TRIM59: variants seen among roughly 807,000 people sequenced by gnomAD.
TRIM59 encodes the protein tripartite motif containing 59.
TRIM59 carries 14 observed loss-of-function variants against 32.2 expected under a neutral mutation model. The observed-to-expected ratio is 0.43, with a 90% CI of 0.29 to 0.68. The LOEUF is 0.68. Among genes scored for constraint, TRIM59 ranks in the 30% least tolerant of loss-of-function variants. The probability of loss-of-function intolerance (pLI) is 0.15; values close to 1 mark genes in which losing one functional copy is unlikely to be tolerated. For synonymous variants in TRIM59, 163 were observed against 155.1 expected (o/e 1.05, Z -0.38); for missense variants, 471 against 463.3 (o/e 1.02, Z -0.15).
chr3:160,435,676 A>C lies in TRIM59; in HGVS notation c.*2296T>G, dbSNP rs1244828414. Reference sequence around the variant, plus strand: ...AACTATATTCATGCATACTTAACAAAATGAAAAGTTCTCCTAAAAACTGGC... The same window carrying C: ...AACTATATTCATGCATACTTAACAACATGAAAAGTTCTCCTAAAAACTGGC... On this transcript the variant is annotated 3_prime_UTR_variant, in exon 3 of 3. Coordinates refer to ENST00000309784, the MANE Select transcript of TRIM59 (RefSeq NM_173084.3). The C allele has an allele frequency of 3.9e-6, 1 of 253,250 alleles. No individual in the cohort carries two copies. The highest frequency in any genetic ancestry group is 5.3e-5 in the Admixed American group (1 of 19,010). The allele number at this position is 253,250 out of a possible 1,614,324, so 15.7% of individuals were successfully genotyped here.
rs966115876 is a variant in TRIM59 at position 160,437,126 on chromosome 3, C to T, written c.*846G>A. On this transcript the variant is annotated 3_prime_UTR_variant, in exon 3 of 3. Coordinates refer to ENST00000309784, the MANE Select transcript of TRIM59 (RefSeq NM_173084.3). The stretch of plus-strand genomic sequence containing the variant: ...CAGCACTTTGGGAGGCCAAGGTGGG[C>T]AGATCTCTTGAGCCCAGAAGTTTGA... The T allele has an allele frequency of 2.2e-6, 2 of 928,914 alleles. No homozygotes were observed. The highest frequency in any genetic ancestry group is 2.6e-6 in the Non-Finnish European group (2 of 778,588). The allele number at this position is 928,914 out of a possible 1,614,324, so 57.5% of individuals were successfully genotyped here. A position where few individuals can be genotyped will look rare whatever the true frequency, so the allele number is the denominator to read the frequency against.
intron 2 of TRIM59, among the ~76,000 whole-genome samples, chr3:160,445,623 A>G (rs1199076974): frequency 6.6e-6 from 1 of 150,714 alleles, no homozygotes; most frequent in East Asian, 2.0e-4. Flanking sequence ...AAAATACAAA[A>G]ATTAGCTGGG....
chr3:160,440,095 T>C (rs1350987307), intron 2 of TRIM59, among the ~76,000 whole-genome samples: 1 of 152,176 alleles, frequency 6.6e-6, no homozygotes, highest in Admixed American at 6.5e-5. Context: ...CTACCATAAA[T>C]TTTTTAGCTT....
rs201210119 is a variant in TRIM59, at chr3:160,438,973, C to T, written c.211G>A (p.Glu71Lys). The T allele has an allele frequency of 6.5e-5, 105 of 1,613,914 alleles. No individual in the cohort carries two copies. Among genetic ancestry groups the T allele is most frequent in the Non-Finnish European group, 8.2e-5 (97 of 1,179,984 alleles). ...AGTGCAAAATTAACAGGTAAAGATT[C>T]AATGCCAGTTGGAGCAATTTCAGTA... is the stretch of plus-strand genomic sequence containing the variant. ...SITEIAPTGI[E>K]SLPVNFALRA... Residue 71 changes from glutamate (E) to lysine (K), a missense_variant, in exon 3 of 3, where the codon GAA becomes AAA. Physicochemically the swap from Glu to Lys is moderately conservative, Grantham distance 56. Coordinates refer to ENST00000309784, the MANE Select transcript of TRIM59 (RefSeq NM_173084.3).
At chr3:160,439,750 C>T (rs972807462) in intron 2 of TRIM59, among the ~76,000 whole-genome samples, 4 of 152,190 alleles carry the variant, frequency 2.6e-5, no homozygotes, top group Non-Finnish European at 5.9e-5. Context: ...AACTGTGAGT[C>T]CATTAAACCT....
In TRIM59 at chr3:160,437,710, T is replaced by C. The variant is rs1030887452; in HGVS notation, c.*262A>G. ...GAATGTTTAAATGTCACAGCAACAT[T>C]ATGTCAACCATCATAAAGCCAATAA... is the stretch of plus-strand genomic sequence containing the variant. On this transcript the variant is annotated 3_prime_UTR_variant, in exon 3 of 3. Coordinates refer to ENST00000309784, the MANE Select transcript of TRIM59 (RefSeq NM_173084.3). 6.3e-6 allele frequency: 7 copies of C among 1,108,170 alleles called. No homozygotes were observed. In the African/African-American group the frequency reaches 9.8e-5, roughly 15 times the overall value. 68.6% of individuals were successfully genotyped at this position (1,108,170 alleles called of 1,614,324 possible).
chr3:160,436,489 G>A lies in TRIM59; in HGVS notation c.*1483C>T, dbSNP rs1339507788. 4 of 985,664 alleles carry A rather than the reference G, an allele frequency of 4.1e-6. No homozygotes were observed. Among genetic ancestry groups the A allele is most frequent in the Non-Finnish European group, 3.6e-6 (3 of 829,952 alleles). 61.1% of individuals were successfully genotyped at this position (985,664 alleles called of 1,614,324 possible). A position where few individuals can be genotyped will look rare whatever the true frequency, so the allele number is the denominator to read the frequency against. The stretch of plus-strand genomic sequence containing the variant: ...GCTTTGATTTAATTGGCCCTCTTAA[G>A]CAAAGCTAATAAAAGATTAAGTTGT... On this transcript the variant is annotated 3_prime_UTR_variant, in exon 3 of 3. Transcript: ENST00000309784.
In TRIM59 at chr3:160,437,259, C is replaced by T. The variant is rs4679886; in HGVS notation, c.*713G>A. 147,593 of 613,036 alleles carry T rather than the reference C, an allele frequency of 0.24. 18,717 individuals are homozygous for T. The highest frequency in any genetic ancestry group is 0.26 in the Non-Finnish European group (125,532 of 490,250). The allele number at this position is 613,036 out of a possible 1,614,324, so 38.0% of individuals were successfully genotyped here. A position where few individuals can be genotyped will look rare whatever the true frequency, so the allele number is the denominator to read the frequency against. On this transcript the variant is annotated 3_prime_UTR_variant, in exon 3 of 3. Transcript: ENST00000309784. ...GTCCCAGCTGCTCCAGAGGCAGAGG[C>T]GGGAGGATCGATTGAGCCTGGGTGG...
Position 160,438,306 on chromosome 3 carries a change from T to C in TRIM59, c.878A>G (p.Glu293Gly). The C allele has an allele frequency of 6.2e-7, 1 of 1,613,504 alleles. No individual in the cohort carries two copies. The highest frequency in any genetic ancestry group is 1.1e-5 in the South Asian group (1 of 90,860). ...KILKEEWSRT[E>G]IGQIKNVLIP... ...GAGAACGTTCTTAATTTGTCCAATT[T>C]CTGTTCTGCTCCATTCTTCTTTCAA... The change falls in exon 3 of 3, where the codon GAA (glutamate) becomes GGA (glycine). Residue 293 changes from glutamate to glycine, a missense_variant. Coordinates refer to ENST00000309784, the MANE Select transcript of TRIM59 (RefSeq NM_173084.3).
chr3:160,449,628 A>C lies in TRIM59; in HGVS notation c.-74+89T>G, dbSNP rs1187085737. The C allele has an allele frequency of 1.4e-5, 18 of 1,289,566 alleles. No individual in the cohort carries two copies. The Admixed American group carries it at 3.2e-4, about 23-fold the overall frequency. 79.9% of individuals were successfully genotyped at this position (1,289,566 alleles called of 1,614,324 possible). On this transcript the variant is annotated intron_variant, in intron 1 of 2. Transcript: ENST00000309784. Reference sequence around the variant, plus strand: ...GTCGCGCCCCCAGGACTCCCCGCCCAACACACTAGGCACACCAGACTGTGC... The same window carrying C: ...GTCGCGCCCCCAGGACTCCCCGCCCCACACACTAGGCACACCAGACTGTGC...
chr3:160,437,218 TGGG>T lies in TRIM59; in HGVS notation c.*751_*753del, dbSNP rs954016614. The T allele has an allele frequency of 4.1e-5, 22 of 537,576 alleles. No homozygotes were observed. Among genetic ancestry groups the T allele is most frequent in the Non-Finnish European group, 5.2e-5 (22 of 421,366 alleles). The allele number at this position is 537,576 out of a possible 1,614,324, so 33.3% of individuals were successfully genotyped here. ...AACAATTTTTTTAATTAGCCAGGCATGGGGGTGTGTGCCTTGTCCCAGCTGCTC... is the reference window on the plus strand; with the variant it reads ...AACAATTTTTTTAATTAGCCAGGCATGGTGTGTGCCTTGTCCCAGCTGCTC... On this transcript the variant is annotated 3_prime_UTR_variant, in exon 3 of 3. Coordinates refer to ENST00000309784, the MANE Select transcript of TRIM59 (RefSeq NM_173084.3).
chr3:160,449,670 G>T, intron 1 of TRIM59, 47 bp downstream of exon 1: 1 of 1,289,958 alleles, frequency 7.8e-7, no homozygotes, highest in South Asian at 1.2e-5. Flanking sequence ...AAAAGAAAAA[G>T]GACTCAGAAC....
In TRIM59 at chr3:160,437,589, G is replaced by C. The variant is rs1050479115; in HGVS notation, c.*383C>G. 1 of 987,894 alleles carries C rather than the reference G, an allele frequency of 1.0e-6. No individual in the cohort carries two copies. The highest frequency in any genetic ancestry group is 1.2e-6 in the Non-Finnish European group (1 of 831,754). The allele number at this position is 987,894 out of a possible 1,614,324, so 61.2% of individuals were successfully genotyped here. A position where few individuals can be genotyped will look rare whatever the true frequency, so the allele number is the denominator to read the frequency against. Reference sequence around the variant, plus strand: ...AAGCTTCAAGCCACATCAAAATAAAGGTATATGTTCTTTCAGGATTTTGCT... The same window carrying C: ...AAGCTTCAAGCCACATCAAAATAAACGTATATGTTCTTTCAGGATTTTGCT... On this transcript the variant is annotated 3_prime_UTR_variant, in exon 3 of 3. Coordinates refer to ENST00000309784, the MANE Select transcript of TRIM59 (RefSeq NM_173084.3).
rs1718895774 is a variant in TRIM59, at chr3:160,435,625, CAT to C, written c.*2345_*2346del. 6 of 167,430 alleles carry C rather than the reference CAT, an allele frequency of 3.6e-5. No homozygotes were observed. In the South Asian group the frequency reaches 5.2e-4, roughly 15 times the overall value. 10.4% of individuals were successfully genotyped at this position (167,430 alleles called of 1,614,324 possible). ...TGCTGGTAAAAATACAAAACAGCAG[CAT>C]AAGAACCAGTTACTCATATACTCAA... On this transcript the variant is annotated 3_prime_UTR_variant, in exon 3 of 3. Coordinates refer to ENST00000309784, the MANE Select transcript of TRIM59 (RefSeq NM_173084.3).
At chr3:160,445,553 C>A (rs1310332144) in intron 2 of TRIM59, among the ~76,000 whole-genome samples, 2 of 152,052 alleles carry the variant, frequency 1.3e-5, no homozygotes, top group African/African-American at 2.4e-5. Context: ...ACAGGCGGAC[C>A]ACCTGAAGTC....
rs755217871 is a variant in TRIM59, at chr3:160,438,974, A to G, written c.210T>C (p.Ile70=). ...RSITEIAPTG[I]ESLPVNFALR... is the part of the protein sequence containing the mutation. The stretch of plus-strand genomic sequence containing the variant: ...GTGCAAAATTAACAGGTAAAGATTC[A>G]ATGCCAGTTGGAGCAATTTCAGTAA... The change falls in exon 3 of 3, where the codon ATT becomes ATC. Residue 70 remains isoleucine, a synonymous_variant. Transcript: ENST00000309784. 1 of 1,614,104 alleles carries G rather than the reference A, an allele frequency of 6.2e-7. No individual in the cohort carries two copies. The highest frequency in any genetic ancestry group is 1.1e-5 in the South Asian group (1 of 91,078).
chr3:160,444,541 GTGACTTTGC>G, intron 2 of TRIM59, among the ~76,000 whole-genome samples: 1 of 152,186 alleles, frequency 6.6e-6, no homozygotes. Context: ...GTCCTATAAT[GTGACTTTGC>G]TGCTACTCCC....
At chr3:160,440,255 T>C (rs922977518) in intron 2 of TRIM59, among the ~76,000 whole-genome samples, 1 of 152,206 alleles carries the variant, frequency 6.6e-6, no homozygotes, top group South Asian at 2.1e-4. Context: ...GAGTTGACTA[T>C]AGTAACTGTG....
rs761983154 is a variant in TRIM59, at chr3:160,437,937, GA to G, written c.*34del. On this transcript the variant is annotated 3_prime_UTR_variant, in exon 3 of 3. Coordinates refer to ENST00000309784, the MANE Select transcript of TRIM59 (RefSeq NM_173084.3). ...CCCATTTTTTGTTTAGCAATGTACA[GA>G]ATAAGCCCATTTAAACAATTCAGGT... 1.3e-6 allele frequency: 2 copies of G among 1,518,986 alleles called. No individual in the cohort carries two copies. The highest frequency in any genetic ancestry group is 4.5e-5 in the East Asian group (2 of 43,962). 94.1% of individuals were successfully genotyped at this position (1,518,986 alleles called of 1,614,324 possible).
Sources: allele counts gnomAD v4.1 joint callset (sites outside exome capture counted in the v4.1 genomes callset), GRCh38; gene constraint gnomAD v4.1.1; transcripts MANE v1.5; gene names NCBI Gene and HGNC (gene_info 2026-07-23, HGNC 2026-07-21).